Variants in JAK2 observed in about 807,000 individuals in gnomAD.
The protein encoded by JAK2 is Janus kinase 2, also known as tyrosine-protein kinase JAK2.
Under a neutral mutation model 139.3 loss-of-function variants are expected in JAK2, and 86 were observed. The observed-to-expected ratio is 0.62, with a 90% CI of 0.52 to 0.74. JAK2 has a LOEUF of 0.74. JAK2 is among the 30% of genes least tolerant of loss of function. The pLI is 0.00. For missense variants in JAK2, 1,421 were observed against 1,360.3 expected (o/e 1.04, Z -0.70); for synonymous variants, 490 against 437.7 (o/e 1.12, Z -1.49).
At chr9:5,056,069 A>G (rs1817743093) in intron 8 of JAK2, among the ~76,000 whole-genome samples, 1 of 151,992 alleles carries the variant, frequency 6.6e-6, no homozygotes, top group African/African-American at 2.4e-5. Flanking sequence ...CCTACTCTAG[A>G]TTATACTAGT....
intron 12 of JAK2, among the ~76,000 whole-genome samples, chr9:5,071,596 TG>T (rs1818953941): frequency 1.3e-5 from 2 of 152,266 alleles, no homozygotes; most frequent in Middle Eastern, 3.4e-3. Flanking sequence ...AAGACAGATC[TG>T]AAGAAATTAA....
chr9:5,093,313 G>A (rs1820728264), intron 22 of JAK2, among the ~76,000 whole-genome samples: 1 of 152,138 alleles, frequency 6.6e-6, no homozygotes, highest in African/African-American at 2.4e-5. Context: ...AGCATTACCA[G>A]TATTAGAGGC....
chr9:5,063,843 C>T (rs1818357430), intron 8 of JAK2, among the ~76,000 whole-genome samples: 1 of 152,114 alleles, frequency 6.6e-6, no homozygotes, highest in Non-Finnish European at 1.5e-5. Flanking sequence ...TTTTGGCTGA[C>T]TACATGTTCA....
chr9:5,027,734 A>G (rs1267082613), intron 3 of JAK2, among the ~76,000 whole-genome samples: 2 of 152,234 alleles, frequency 1.3e-5, no homozygotes, highest in Non-Finnish European at 2.9e-5. Context: ...CATTTCAACA[A>G]TATTCACAGC....
In JAK2 at chr9:5,123,114, C is replaced by A. The variant is rs771690089; in HGVS notation, c.3170C>A (p.Pro1057Gln). ...LFTYIEKSKS[P>Q]PAEFMRMIGN... ...ACATACATTGAGAAGAGTAAAAGTC[C>A]ACCAGCGGTCAGTGTGCTTTTTATT... The change falls in exon 23 of 25, where the codon CCA becomes CAA. Residue 1057 changes from proline (P) to glutamine (Q), a missense_variant. Pro to Gln is a moderately conservative substitution (Grantham distance 76). Coordinates refer to ENST00000381652, the MANE Select transcript of JAK2 (RefSeq NM_004972.4). 2.5e-6 allele frequency: 4 copies of A among 1,576,864 alleles called. No individual in the cohort carries two copies. Among genetic ancestry groups the A allele is most frequent in the Non-Finnish European group, 3.5e-6 (4 of 1,157,152 alleles).
chr9:5,091,055 T>G (rs1820533797), intron 22 of JAK2, 144 bp downstream of exon 22: 1 of 610,682 alleles, frequency 1.6e-6, no homozygotes, highest in Non-Finnish European at 2.8e-6. Flanking sequence ...CTTTTTTTTT[T>G]TAGGTCTTAT....
chr9:5,043,247 A>T (rs995873405), intron 4 of JAK2, among the ~76,000 whole-genome samples: 11 of 152,120 alleles, frequency 7.2e-5, no homozygotes, highest in Non-Finnish European at 1.5e-4. Context: ...TTGCTTTACC[A>T]AGTGTACGGA....
intron 13 of JAK2, 83 bp downstream of exon 13, chr9:5,072,709 C>A (rs2130547997): frequency 9.6e-7 from 1 of 1,046,468 alleles, no homozygotes; most frequent in Non-Finnish European, 1.3e-6. Context: ...CTCATGTGTG[C>A]AGCTTTTCAA....
chr9:5,091,615 T>TAATA (rs1820580048), intron 22 of JAK2: 1 of 152,122 alleles, frequency 6.6e-6, no homozygotes, highest in Admixed American at 6.5e-5. Flanking sequence ...ATTAGATAAT[T>TAATA]AATAGTAGAG....
intron 2 of JAK2, among the ~76,000 whole-genome samples, chr9:4,989,125 T>C (rs2129695765): frequency 6.6e-6 from 1 of 152,306 alleles, no homozygotes; most frequent in Non-Finnish European, 1.5e-5. Flanking sequence ...TTTCTACTTA[T>C]TAAATTTTCC....
At chr9:4,991,749 C>A (rs1168873483) in intron 2 of JAK2, among the ~76,000 whole-genome samples, 1 of 146,852 alleles carries the variant, frequency 6.8e-6, no homozygotes, top group Non-Finnish European at 1.5e-5. Flanking sequence ...AACCACCTGT[C>A]CTCTGTACTT....
intron 19 of JAK2, among the ~76,000 whole-genome samples, chr9:5,086,607 C>G (rs1404154183): frequency 6.6e-6 from 1 of 152,070 alleles, no homozygotes; most frequent in Non-Finnish European, 1.5e-5. Flanking sequence ...AAAAAAATTC[C>G]TTGGCTTCTC....
At chr9:5,024,795 C>A (rs762888828) in intron 3 of JAK2, among the ~76,000 whole-genome samples, 11 of 152,158 alleles carry the variant, frequency 7.2e-5, no homozygotes, top group Non-Finnish European at 1.6e-4. Flanking sequence ...CATAGGTGTG[C>A]TCTTTGCATC....
intron 4 of JAK2, among the ~76,000 whole-genome samples, chr9:5,038,035 C>T (rs1563945749): frequency 6.6e-6 from 1 of 152,160 alleles, no homozygotes; most frequent in Non-Finnish European, 1.5e-5. Flanking sequence ...TGCTTTAGCA[C>T]ATAGTTACAA....
chr9:5,038,736 T>A lies in JAK2; in HGVS notation c.351-5667T>A, dbSNP rs554412252. 7.9e-5 allele frequency among the ~76,000 whole-genome samples: 12 copies of A among 152,206 alleles called. No individual in the cohort carries two copies. The South Asian group carries it at 2.3e-3, about 29-fold the overall frequency. The stretch of plus-strand genomic sequence containing the variant: ...AGGTTAGCGCTCTAAAGGTTTTGAA[T>A]TTTGGAGCATTTCGGATTTCAGATT... On this transcript the variant is annotated intron_variant, in intron 4 of 24. Coordinates refer to ENST00000381652, the MANE Select transcript of JAK2 (RefSeq NM_004972.4).
chr9:5,022,179 A>G lies in JAK2; in HGVS notation c.192A>G (p.Ala64=), dbSNP rs778287602. The G allele has an allele frequency of 1.2e-6, 2 of 1,614,166 alleles. No homozygotes were observed. The highest frequency in any genetic ancestry group is 3.3e-5 in the Admixed American group (2 of 60,034). The stretch of plus-strand genomic sequence containing the variant: ...CCTTTCCATCTGGGGAGTATGTTGC[A>G]GAAGAAATCTGTATTGCTGCTTCTA... ...YLTFPSGEYV[A]EEICIAASKA... Residue 64 remains alanine, a synonymous_variant, in exon 3 of 25, where the codon GCA becomes GCG. Transcript: ENST00000381652.
intron 22 of JAK2, among the ~76,000 whole-genome samples, chr9:5,106,508 T>C (rs1218480147): frequency 6.6e-6 from 1 of 152,184 alleles, no homozygotes; most frequent in Admixed American, 6.5e-5. Flanking sequence ...CTCAAGGATC[T>C]AGAACTAGAA....
At chr9:5,041,199 A>T (rs1816479485) in intron 4 of JAK2, 2 of 1,450,780 alleles carry the variant, frequency 1.4e-6, no homozygotes, top group Non-Finnish European at 9.5e-7. Flanking sequence ...CAGGACGTGA[A>T]GCCCGAGAAC....
chr9:5,010,331 T>C (rs570935867), intron 2 of JAK2, among the ~76,000 whole-genome samples: 81 of 145,626 alleles, frequency 5.6e-4, no homozygotes, highest in African/African-American at 1.9e-3. Flanking sequence ...GTCAGTTGTC[T>C]TTTTTTTTTT....
Sources: allele counts gnomAD v4.1 joint callset (sites outside exome capture counted in the v4.1 genomes callset), GRCh38; gene constraint gnomAD v4.1.1; transcripts MANE v1.5; gene names NCBI Gene and HGNC (gene_info 2026-07-23, HGNC 2026-07-21).